The following DPP10 variants were observed in gnomAD, a reference collection of about 807,000 sequenced individuals.
The protein encoded by DPP10 is dipeptidyl peptidase like 10.
A neutral mutation model predicts 120.9 loss-of-function variants in DPP10; 33 were observed. That is an observed-to-expected ratio of 0.27 (90% CI 0.21 to 0.37). The LOEUF (loss-of-function observed/expected upper bound fraction) is 0.37. Ranked by LOEUF, DPP10 falls within the 10% of genes least tolerant of loss-of-function variation. DPP10 has a pLI of 1.00. For synonymous variants in DPP10, 337 were observed against 326.1 expected, an observed-to-expected ratio of 1.03 and a Z score of -0.36; for missense variants, 816 against 942.8, an observed-to-expected ratio of 0.87 and a Z score of 1.76.
At chr2:115,712,543 A>ACATATATATATATAT (rs56675119) in intron 7 of DPP10, among the ~76,000 whole-genome samples, 1 of 64,276 alleles carries the variant, frequency 1.6e-5, no homozygotes, top group Non-Finnish European at 2.9e-5. Context: ...TCCTGAATTA[A>ACATATATATATATAT]ATATATATAT....
intron 1 of DPP10, among the ~76,000 whole-genome samples, chr2:114,770,620 G>A (rs1681162868): frequency 6.6e-6 from 1 of 152,144 alleles, no homozygotes; most frequent in Non-Finnish European, 1.5e-5. Context: ...AAACACTAAA[G>A]GAAGACATGA....
At chr2:115,105,157 T>C (rs1362808965) in intron 1 of DPP10, among the ~76,000 whole-genome samples, 1 of 152,246 alleles carries the variant, frequency 6.6e-6, no homozygotes. Context: ...TATCTAGGTC[T>C]ACCTCTCTAT....
chr2:115,393,449 T>C (rs1321683639), intron 3 of DPP10, among the ~76,000 whole-genome samples: 1 of 152,214 alleles, frequency 6.6e-6, no homozygotes, highest in Non-Finnish European at 1.5e-5. Context: ...GACTAGAAAC[T>C]GAAGCCACCT....
At chr2:115,342,338 C>G (rs2063492613) in intron 2 of DPP10, among the ~76,000 whole-genome samples, 1 of 152,126 alleles carries the variant, frequency 6.6e-6, no homozygotes, top group Non-Finnish European at 1.5e-5. Flanking sequence ...TCGCAAGTAG[C>G]TGGGACCTCA....
intron 1 of DPP10, among the ~76,000 whole-genome samples, chr2:115,004,881 C>T (rs1701704810): frequency 6.6e-6 from 1 of 152,174 alleles, no homozygotes; most frequent in African/African-American, 2.4e-5. Context: ...TCAAGGAGGC[C>T]TGCCTGCCTG....
At chr2:114,921,055 T>G (rs181132746) in intron 1 of DPP10, among the ~76,000 whole-genome samples, 1 of 152,296 alleles carries the variant, frequency 6.6e-6, no homozygotes, top group African/African-American at 2.4e-5. Context: ...CAAAAATAAA[T>G]AAATGATAAA....
intron 1 of DPP10, among the ~76,000 whole-genome samples, chr2:114,959,620 T>A (rs1042146590): frequency 7.9e-5 from 12 of 152,186 alleles, no homozygotes; most frequent in African/African-American, 4.8e-5. Flanking sequence ...TAAGAGTGAC[T>A]CTATTGTTTA....
intron 1 of DPP10, among the ~76,000 whole-genome samples, chr2:115,037,892 C>G (rs1273807309): frequency 6.6e-6 from 1 of 152,114 alleles, no homozygotes; most frequent in East Asian, 1.9e-4. Context: ...TGGAGCCAAC[C>G]ATATAATGAT....
chr2:115,328,574 G>A (rs575024598), intron 2 of DPP10, among the ~76,000 whole-genome samples: 1 of 152,172 alleles, frequency 6.6e-6, no homozygotes, highest in East Asian at 1.9e-4. Flanking sequence ...AGAATCCTAA[G>A]AGATGCAAGC....
At chr2:114,834,680 C>T (rs918330022) in intron 1 of DPP10, among the ~76,000 whole-genome samples, 1 of 125,454 alleles carries the variant, frequency 8.0e-6, no homozygotes, top group Non-Finnish European at 1.7e-5. Flanking sequence ...TATCTACACA[C>T]CTATGTATAT....
At chr2:114,683,683 G>A (rs1040292408) in intron 1 of DPP10, among the ~76,000 whole-genome samples, 21 of 151,514 alleles carry the variant, frequency 1.4e-4, no homozygotes, top group African/African-American at 5.1e-4. Context: ...ATGAGAGAAG[G>A]TTTTCTTCGT....
intron 3 of DPP10, among the ~76,000 whole-genome samples, chr2:115,416,145 C>G (rs1023204553): frequency 6.6e-6 from 1 of 152,000 alleles, no homozygotes; most frequent in African/African-American, 2.4e-5. Flanking sequence ...TTAAGATGCA[C>G]TGCAGAATAT....
At chr2:114,748,338 C>CTTTTTTT (rs1255227047) in intron 1 of DPP10, among the ~76,000 whole-genome samples, 2 of 70,320 alleles carry the variant, frequency 2.8e-5, no homozygotes, top group Non-Finnish European at 5.6e-5. Context: ...AGGGAATTTT[C>CTTTTTTT]TTTTTTTTTT....
intron 1 of DPP10, among the ~76,000 whole-genome samples, chr2:115,177,793 T>G (rs2053799819): frequency 7.0e-6 from 1 of 142,308 alleles, no homozygotes; most frequent in Non-Finnish European, 1.6e-5. Flanking sequence ...AGACAGAGTC[T>G]TGCTCTGTGG....
At chr2:115,232,008 A>G (rs982168613) in intron 1 of DPP10, among the ~76,000 whole-genome samples, 2 of 152,234 alleles carry the variant, frequency 1.3e-5, no homozygotes, top group African/African-American at 2.4e-5. Context: ...GTGCTTCCAC[A>G]TAAGCCCCTT....
intron 1 of DPP10, among the ~76,000 whole-genome samples, chr2:114,491,841 C>T (rs1233325014): frequency 2.0e-5 from 3 of 152,220 alleles, no homozygotes; most frequent in South Asian, 2.1e-4. Context: ...ATTCATAATT[C>T]GAAAAGGATT....
At chr2:115,218,727 C>A (rs2056971190) in intron 1 of DPP10, among the ~76,000 whole-genome samples, 1 of 152,090 alleles carries the variant, frequency 6.6e-6, no homozygotes, top group Non-Finnish European at 1.5e-5. Flanking sequence ...ATAAGATATA[C>A]TACTGATTTC....
intron 5 of DPP10, among the ~76,000 whole-genome samples, chr2:115,543,203 G>A (rs2079279986): frequency 6.6e-6 from 1 of 152,122 alleles, no homozygotes; most frequent in Admixed American, 6.6e-5. Context: ...GAATATCACA[G>A]CAAACACTAA....
At chr2:114,862,587 G>A (rs537653675) in intron 1 of DPP10, among the ~76,000 whole-genome samples, 1 of 152,124 alleles carries the variant, frequency 6.6e-6, no homozygotes, top group African/African-American at 2.4e-5. Context: ...GCTACATGAG[G>A]AGCAGACAGA....
Sources: allele counts gnomAD v4.1 joint callset (sites outside exome capture counted in the v4.1 genomes callset), GRCh38; gene constraint gnomAD v4.1.1; transcripts MANE v1.5; gene names NCBI Gene and HGNC (gene_info 2026-07-23, HGNC 2026-07-21).